Variants in MMP26 observed in about 807,000 individuals in gnomAD.
The protein encoded by MMP26 is matrix metallopeptidase 26.
In MMP26, 33 loss-of-function variants were observed where a neutral mutation model predicts 31.0. That is an observed-to-expected ratio of 1.06 (90% confidence interval 0.81 to 1.42). MMP26 has a LOEUF of 1.42. MMP26 is among the 40% of genes most tolerant of loss of function. The pLI, the probability that MMP26 is intolerant of heterozygous loss-of-function variation, is 0.00. For synonymous variants in MMP26, 122 were observed against 114.9 expected (o/e 1.06, Z -0.40); for missense variants, 347 against 316.1 (o/e 1.10, Z -0.74).
Position 4,804,213 on chromosome 11 carries a change from G to A in MMP26, c.-145+36872G>A, listed in dbSNP as rs1849230570. Reference sequence around the variant, plus strand: ...AGAGGTACATGGGCTCATGCAGGGTGTGGTCAATTCTGATTACATGGAGGA... The same window carrying A: ...AGAGGTACATGGGCTCATGCAGGGTATGGTCAATTCTGATTACATGGAGGA... On this transcript the variant is annotated intron_variant, in intron 2 of 7. Coordinates refer to ENST00000380390, the MANE Select transcript of MMP26 (RefSeq NM_021801.5). 3.7e-6 allele frequency: 6 copies of A among 1,614,112 alleles called. No homozygotes were observed. The East Asian group carries it at 8.9e-5, about 24-fold the overall frequency.
At chr11:4,760,057 C>T (rs2133409788) in intron 1 of MMP26, among the ~76,000 whole-genome samples, 1 of 152,264 alleles carries the variant, frequency 6.6e-6, no homozygotes, top group East Asian at 1.9e-4. Context: ...AGTAAGAGTA[C>T]TCAAGATAAA....
intron 2 of MMP26, chr11:4,848,806 A>G: frequency 6.2e-7 from 1 of 1,614,146 alleles, no homozygotes; most frequent in Non-Finnish European, 8.5e-7. Flanking sequence ...AGAGGTCGGC[A>G]GATGGCCAGT....
In MMP26 at chr11:4,735,757, A is replaced by G. The variant is rs546111695; in HGVS notation, c.-217+30712A>G. 9.9e-5 allele frequency among the ~76,000 whole-genome samples: 15 copies of G among 151,708 alleles called. No individual in the cohort carries two copies. In the South Asian group the frequency reaches 3.1e-3, roughly 32 times the overall value. On this transcript the variant is annotated intron_variant, in intron 1 of 7. Transcript: ENST00000380390. ...ATTAAATTATATTTCAGAATAATAG[A>G]CAATAGTTCTAATTTAATCAAAAAG...
Position 4,714,930 on chromosome 11 carries a change from A to T in MMP26, c.-217+9885A>T, listed in dbSNP as rs938806544. 2.1e-3 allele frequency among the ~76,000 whole-genome samples: 321 copies of T among 150,584 alleles called. 5 individuals carry two copies. The highest frequency in any genetic ancestry group is 7.1e-3 in the African/African-American group (288 of 40,500). ...CTCTCTCTCTCTCTCTCACACACAC[A>T]CACACACACACACACACACACACAC... On this transcript the variant is annotated intron_variant, in intron 1 of 7. Transcript: ENST00000380390.
At chr11:4,821,391 T>A (rs768086918) in intron 2 of MMP26, 1 of 1,612,418 alleles carries the variant, frequency 6.2e-7, no homozygotes, top group East Asian at 2.2e-5. Context: ...GTTAAATGAC[T>A]GAAACATCCC....
chr11:4,823,800 T>C (rs1849544431), intron 2 of MMP26, among the ~76,000 whole-genome samples: 1 of 152,170 alleles, frequency 6.6e-6, no homozygotes, highest in African/African-American at 2.4e-5. Flanking sequence ...TCCTCAATTA[T>C]GTGATTAAGC....
intron 1 of MMP26, among the ~76,000 whole-genome samples, chr11:4,713,338 T>G (rs543543659): frequency 5.9e-5 from 9 of 152,132 alleles, no homozygotes; most frequent in Non-Finnish European, 1.2e-4. Context: ...TCTCCCTATT[T>G]AGCTTCATCT....
intron 2 of MMP26, among the ~76,000 whole-genome samples, chr11:4,878,913 T>C (rs547189944): frequency 6.6e-6 from 1 of 152,060 alleles, no homozygotes; most frequent in Admixed American, 6.6e-5. Flanking sequence ...CATACGTATA[T>C]AGTGAGAATA....
intron 2 of MMP26, among the ~76,000 whole-genome samples, chr11:4,857,527 A>C (rs1850072513): frequency 6.6e-6 from 1 of 152,326 alleles, no homozygotes; most frequent in Middle Eastern, 3.4e-3. Context: ...TAAACCAGGA[A>C]GAAGTTGAAT....
At chr11:4,942,066 G>C (rs1846215760) in intron 2 of MMP26, among the ~76,000 whole-genome samples, 1 of 74,192 alleles carries the variant, frequency 1.3e-5, no homozygotes, top group African/African-American at 4.7e-5. Flanking sequence ...CTCCAGCCTG[G>C]GCAGCAGAAT....
chr11:4,978,683 G>A (rs1589823244), intron 2 of MMP26, among the ~76,000 whole-genome samples: 1 of 152,010 alleles, frequency 6.6e-6, no homozygotes, highest in African/African-American at 2.4e-5. Flanking sequence ...TGGAAGATAT[G>A]GCCACATTGT....
chr11:4,814,014 G>A (rs1008141801), intron 2 of MMP26, among the ~76,000 whole-genome samples: 5 of 152,160 alleles, frequency 3.3e-5, no homozygotes, highest in Non-Finnish European at 5.9e-5. Flanking sequence ...AAGGGTCAAT[G>A]CGCATATGAA....
At chr11:4,746,104 A>G (rs1848376590) in intron 1 of MMP26, among the ~76,000 whole-genome samples, 1 of 152,230 alleles carries the variant, frequency 6.6e-6, no homozygotes, top group Non-Finnish European at 1.5e-5. Context: ...TGATGCCATT[A>G]TCAAAATTTG....
intron 2 of MMP26, among the ~76,000 whole-genome samples, chr11:4,770,969 T>C (rs4569000): frequency 0.19 from 28,157 of 151,958 alleles, 3,960 homozygotes; most frequent in African/African-American, 0.39. Flanking sequence ...CCATTAGCGA[T>C]CCCAGAAAAA....
chr11:4,894,169 CAG>C (rs1264867479), intron 2 of MMP26, among the ~76,000 whole-genome samples: 2 of 151,078 alleles, frequency 1.3e-5, no homozygotes, highest in African/African-American at 4.9e-5. Flanking sequence ...ACAGAAAAAT[CAG>C]AGAGATAGGC....
intron 2 of MMP26, chr11:4,769,218 C>T: frequency 6.2e-7 from 1 of 1,613,850 alleles, no homozygotes; most frequent in South Asian, 1.1e-5. Flanking sequence ...TGCCATTCTT[C>T]AGGGGAGGCA....
chr11:4,764,650 C>T (rs1292883697), intron 1 of MMP26, among the ~76,000 whole-genome samples: 2 of 152,182 alleles, frequency 1.3e-5, no homozygotes, highest in Non-Finnish European at 2.9e-5. Flanking sequence ...GCGGGTGGAT[C>T]ACGAGGTCAG....
chr11:4,858,804 C>T (rs1298434494), intron 2 of MMP26, among the ~76,000 whole-genome samples: 1 of 152,102 alleles, frequency 6.6e-6, no homozygotes, highest in African/African-American at 2.4e-5. Flanking sequence ...AGGCATCATG[C>T]TACCTGACTT....
chr11:4,908,458 T>C, intron 2 of MMP26: 2 of 719,388 alleles, frequency 2.8e-6, no homozygotes, highest in Non-Finnish European at 4.8e-6. Flanking sequence ...GTTGAGAATA[T>C]AACTGAACAG....
Sources: gnomAD v4.1 joint callset for allele counts (sites outside exome capture counted in the v4.1 genomes callset) on GRCh38, gnomAD v4.1.1 for gene constraint, MANE v1.5 for transcripts, NCBI Gene and HGNC (gene_info 2026-07-23, HGNC 2026-07-21) for gene names.